Variants in YAP1 observed in about 807,000 individuals in gnomAD.
YAP1 encodes the protein transcriptional coactivator YAP1.
YAP1 carries 5 observed loss-of-function variants against 56.9 expected under a neutral mutation model. That is an observed-to-expected ratio of 0.09 (90% confidence interval 0.05 to 0.18). The LOEUF (loss-of-function observed/expected upper bound fraction) is 0.18, where lower values mean the gene tolerates loss of function less well. Ranked by LOEUF, YAP1 falls within the 10% of genes least tolerant of loss-of-function variation. The pLI is 1.00. For missense variants in YAP1, 539 were observed against 651.8 expected (o/e 0.83, Z 1.88); for synonymous variants, 265 against 248.1 (o/e 1.07, Z -0.64).
intron 2 of YAP1, among the ~76,000 whole-genome samples, chr11:102,139,052 A>G (rs923961358): frequency 2.0e-5 from 3 of 151,802 alleles, no homozygotes; most frequent in African/African-American, 2.4e-5. Flanking sequence ...CATGAAAACA[A>G]GTTTTTTTTT....
chr11:102,175,682 C>T (rs1442416686), intron 3 of YAP1, among the ~76,000 whole-genome samples: 4 of 152,186 alleles, frequency 2.6e-5, no homozygotes, highest in Admixed American at 6.5e-5. Context: ...GGCTACAAAC[C>T]TGGACAGCAT....
At chr11:102,147,060 T>C (rs1945361920) in intron 2 of YAP1, among the ~76,000 whole-genome samples, 1 of 152,196 alleles carries the variant, frequency 6.6e-6, no homozygotes. Context: ...GTAACTCTGT[T>C]ATCTCTATTT....
chr11:102,181,165 G>T (rs1418593041), intron 3 of YAP1, among the ~76,000 whole-genome samples: 2 of 151,274 alleles, frequency 1.3e-5, no homozygotes, highest in Non-Finnish European at 2.9e-5. Context: ...AAAATAATAG[G>T]CCAGGCTCGG....
intron 6 of YAP1, among the ~76,000 whole-genome samples, chr11:102,222,020 T>C (rs1949959730): frequency 6.6e-6 from 1 of 152,078 alleles, no homozygotes; most frequent in African/African-American, 2.4e-5. Flanking sequence ...GTTAAGAAAC[T>C]CTGGTTTAAA....
chr11:102,150,802 G>GTTTGTTTT (rs1555089261), intron 2 of YAP1, among the ~76,000 whole-genome samples: 3 of 108,050 alleles, frequency 2.8e-5, no homozygotes, highest in African/African-American at 9.6e-5. Context: ...CATACAAATG[G>GTTTGTTTT]TTTTTTTTTT....
At chr11:102,125,976 G>C (rs983880274) in intron 2 of YAP1, among the ~76,000 whole-genome samples, 1 of 152,006 alleles carries the variant, frequency 6.6e-6, no homozygotes, top group Non-Finnish European at 1.5e-5. Flanking sequence ...GAGAGCACCA[G>C]TGGTGATGGG....
chr11:102,179,746 A>G (rs1947472716), intron 3 of YAP1, among the ~76,000 whole-genome samples: 1 of 152,056 alleles, frequency 6.6e-6, no homozygotes, highest in South Asian at 2.1e-4. Flanking sequence ...CCAACATTGT[A>G]CTGTCTTCTA....
intron 6 of YAP1, 47 bp downstream of exon 6, chr11:102,209,611 A>G (rs779438005): frequency 2.1e-6 from 3 of 1,439,624 alleles, no homozygotes; most frequent in Non-Finnish European, 2.8e-6. Context: ...AAAAAAAAAG[A>G]TATTAAATTA....
intron 6 of YAP1, among the ~76,000 whole-genome samples, 165 bp from the exon 7 acceptor site, chr11:102,223,457 G>A (rs1950048508): frequency 1.3e-5 from 2 of 152,224 alleles, no homozygotes; most frequent in South Asian, 4.1e-4. Context: ...TTAGTCATTT[G>A]AAATGGATAG....
chr11:102,181,072 A>G (rs905125756), intron 3 of YAP1, among the ~76,000 whole-genome samples: 1 of 151,072 alleles, frequency 6.6e-6, no homozygotes, highest in African/African-American at 2.4e-5. Context: ...ACTTGAGCCC[A>G]GGAGTCCAAG....
At chr11:102,122,509 C>G (rs915040945) in intron 2 of YAP1, among the ~76,000 whole-genome samples, 24 of 152,050 alleles carry the variant, frequency 1.6e-4, no homozygotes, top group African/African-American at 5.3e-4. Context: ...TTTTCATAGC[C>G]TGTGTGTAAA....
chr11:102,176,418 T>C (rs1216972077), intron 3 of YAP1, among the ~76,000 whole-genome samples: 1 of 151,960 alleles, frequency 6.6e-6, no homozygotes, highest in African/African-American at 2.4e-5. Context: ...GTGGGACAGA[T>C]TGGAGAAAAG....
At chr11:102,129,130 C>T (rs1464413402) in intron 2 of YAP1, among the ~76,000 whole-genome samples, 1 of 152,142 alleles carries the variant, frequency 6.6e-6, no homozygotes, top group Non-Finnish European at 1.5e-5. Flanking sequence ...ATGTGTTTAA[C>T]TGAGTTTTAT....
intron 8 of YAP1, among the ~76,000 whole-genome samples, chr11:102,228,675 G>C (rs1950320709): frequency 7.3e-6 from 1 of 136,216 alleles, no homozygotes; most frequent in East Asian, 2.1e-4. Context: ...TAGTTGCAGG[G>C]GTCTTGCAGG....
rs1950386673 is a variant in YAP1, at chr11:102,230,168, T to C, written c.*228T>C. 1 of 418,682 alleles carries C rather than the reference T, an allele frequency of 2.4e-6. No homozygotes were observed. Among genetic ancestry groups the C allele is most frequent in the Admixed American group, 3.9e-5 (1 of 25,360 alleles). The allele number at this position is 418,682 out of a possible 1,614,324, so 25.9% of individuals were successfully genotyped here. ...CTAAAGAATCAAAAGAAAAAAACTT[T>C]TTATTTCTTTTGCTATTAAAACTAC... On this transcript the variant is annotated 3_prime_UTR_variant, in exon 9 of 9. Transcript: ENST00000282441.
Position 102,165,030 on chromosome 11 carries a change from G to C in YAP1, c.688+2459G>C, listed in dbSNP as rs547179324. Among the ~76,000 whole-genome samples the C allele has an allele frequency of 3.9e-5, 6 of 152,210 alleles. No individual in the cohort carries two copies. In the South Asian group the frequency reaches 1.0e-3, roughly 26 times the overall value. On this transcript the variant is annotated intron_variant, in intron 3 of 8. Transcript: ENST00000282441. ...GAGCCACCATGTCCAGCCGGTTTTA[G>C]TGGGTTTGAAAATAATTGTGGATGT...
At position 102,114,321 on chromosome 11, in the gene YAP1, A is replaced by G. The variant is rs1185231459; in HGVS notation, c.499A>G (p.Ile167Val). Residue 167 changes from isoleucine (I) to valine (V), a missense_variant, in exon 2 of 9, where the codon ATA becomes GTA. Around this residue, in one of 4 missense-constraint regions of YAP1, gnomAD observed 414 missense variants for 512.4 expected, o/e 0.81. Coordinates refer to ENST00000282441, the MANE Select transcript of YAP1 (RefSeq NM_001130145.3). ...AQHLRQSSFE[I>V]PDDVPLPAGW... The stretch of plus-strand genomic sequence containing the variant: ...GCATCTTCGACAGTCTTCTTTTGAG[A>G]TACCTGATGATGTACCTCTGCCAGC... The G allele has an allele frequency of 1.2e-6, 2 of 1,614,078 alleles. No individual in the cohort carries two copies. Among genetic ancestry groups the G allele is most frequent in the Admixed American group, 3.3e-5 (2 of 60,004 alleles).
At position 102,144,869 on chromosome 11, in the gene YAP1, CACACACACAT is replaced by C. The variant is rs1296172823; in HGVS notation, c.573-17578_573-17569del. 8.2e-3 allele frequency among the ~76,000 whole-genome samples: 826 copies of C among 101,220 alleles called. 10 individuals are homozygous for C. Among genetic ancestry groups the C allele is most frequent in the African/African-American group, 0.02 (733 of 36,180 alleles). The allele number at this position is 101,220 out of a possible 152,430, so 66.4% of individuals were successfully genotyped here. A position where few individuals can be genotyped will look rare whatever the true frequency, so the allele number is the denominator to read the frequency against. ...CCTTTGGCCAAAACACACACACACA[CACACACACAT>C]ACACACACTCATGCTCACACACTCA... On this transcript the variant is annotated intron_variant, in intron 2 of 8. Coordinates refer to ENST00000282441, the MANE Select transcript of YAP1 (RefSeq NM_001130145.3).
intron 5 of YAP1, 131 bp from the exon 6 acceptor site, chr11:102,209,386 T>C: frequency 1.2e-6 from 1 of 804,862 alleles, no homozygotes; most frequent in Non-Finnish European, 2.0e-6. Flanking sequence ...TCTTCGTCAG[T>C]CTGCTTCTTC....
Sources: gnomAD v4.1 joint callset for allele counts (sites outside exome capture counted in the v4.1 genomes callset) on GRCh38, gnomAD v4.1.1 for gene constraint, gnomAD v4.1.1 regional missense constraint, MANE v1.5 for transcripts, NCBI Gene and HGNC (gene_info 2026-07-23, HGNC 2026-07-21) for gene names.